The following EYA2 variants were observed in gnomAD, a reference collection of about 807,000 sequenced individuals.
The protein encoded by EYA2 is protein phosphatase EYA2.
EYA2 carries 31 observed loss-of-function variants against 69.2 expected under a neutral mutation model. The observed-to-expected ratio is 0.45, with a 90% CI of 0.34 to 0.60. EYA2 has a LOEUF of 0.60. Ranked by LOEUF, EYA2 falls within the 20% of genes least tolerant of loss-of-function variation. The probability of loss-of-function intolerance (pLI) is 0.02; values close to 1 mark genes in which losing one functional copy is unlikely to be tolerated. For missense variants in EYA2, 622 were observed against 701.2 expected, an observed-to-expected ratio of 0.89 and a Z score of 1.28; for synonymous variants, 257 against 279.4, an observed-to-expected ratio of 0.92 and a Z score of 0.80.
intron 1 of EYA2, among the ~76,000 whole-genome samples, chr20:46,928,352 T>C (rs1484128172): frequency 6.6e-6 from 1 of 152,214 alleles, no homozygotes; most frequent in Admixed American, 6.5e-5. Context: ...TCGTGAACCT[T>C]ATTTTCCTCA....
intron 5 of EYA2, among the ~76,000 whole-genome samples, chr20:47,051,583 CTG>C (rs1364642832): frequency 1.8e-4 from 28 of 152,250 alleles, no homozygotes; most frequent in Admixed American, 1.8e-3. Context: ...TCCTGCAAGT[CTG>C]TCCTCAGATG....
intron 5 of EYA2, among the ~76,000 whole-genome samples, chr20:47,018,212 T>C (rs1299235153): frequency 6.6e-6 from 1 of 152,172 alleles, no homozygotes; most frequent in Non-Finnish European, 1.5e-5. Context: ...GCCACAGAGG[T>C]TGAAATGGAG....
intron 7 of EYA2, among the ~76,000 whole-genome samples, chr20:47,074,604 T>C (rs2031442360): frequency 6.6e-6 from 1 of 152,188 alleles, no homozygotes; most frequent in Admixed American, 6.5e-5. Context: ...AGTCAGAAAA[T>C]TTTATAAATA....
chr20:46,911,585 TTTC>T (rs1984644802), intron 1 of EYA2, among the ~76,000 whole-genome samples: 2 of 152,240 alleles, frequency 1.3e-5, no homozygotes, highest in South Asian at 4.1e-4. Flanking sequence ...CTTTGGAGAA[TTTC>T]TTAACTCTTA....
chr20:47,168,505 G>A (rs1244257554), intron 10 of EYA2, among the ~76,000 whole-genome samples: 1 of 152,146 alleles, frequency 6.6e-6, no homozygotes, highest in East Asian at 1.9e-4. Flanking sequence ...CCATGGTCTT[G>A]TCCCACAGAG....
intron 10 of EYA2, among the ~76,000 whole-genome samples, chr20:47,156,007 T>A (rs1374878523): frequency 6.9e-6 from 1 of 145,062 alleles, no homozygotes; most frequent in Non-Finnish European, 1.5e-5. Context: ...CGAAATCCCG[T>A]CTCTACTTAA....
At chr20:47,102,622 G>A (rs550149373) in intron 9 of EYA2, among the ~76,000 whole-genome samples, 70 of 152,302 alleles carry the variant, frequency 4.6e-4, no homozygotes, top group Admixed American at 2.7e-3. Flanking sequence ...TTCAAAATAG[G>A]TTGTTTGAAT....
intron 9 of EYA2, among the ~76,000 whole-genome samples, chr20:47,138,587 C>CA (rs910033626): frequency 1.5e-4 from 22 of 149,990 alleles, no homozygotes; most frequent in African/African-American, 2.7e-4. Flanking sequence ...CCTGTCTCTA[C>CA]AAAAAAAAAT....
At chr20:47,175,998 A>C (rs1248964701) in intron 12 of EYA2, among the ~76,000 whole-genome samples, 1 of 152,144 alleles carries the variant, frequency 6.6e-6, no homozygotes, top group African/African-American at 2.4e-5. Flanking sequence ...AAAAGAAACA[A>C]GGTCCCTGTT....
chr20:46,896,226 A>T (rs1198203389), intron 1 of EYA2, among the ~76,000 whole-genome samples: 2 of 152,196 alleles, frequency 1.3e-5, no homozygotes, highest in East Asian at 1.9e-4. Context: ...GAGATCCCTT[A>T]CAAAGGAAAT....
At chr20:47,119,432 G>T (rs887210354) in intron 9 of EYA2, among the ~76,000 whole-genome samples, 17 of 152,196 alleles carry the variant, frequency 1.1e-4, no homozygotes, top group African/African-American at 3.9e-4. Context: ...GAGTGGAAAT[G>T]ACCATCAATG....
chr20:46,957,222 C>T (rs1449395013), intron 1 of EYA2, among the ~76,000 whole-genome samples: 1 of 152,050 alleles, frequency 6.6e-6, no homozygotes, highest in Non-Finnish European at 1.5e-5. Flanking sequence ...AGCTCTTTAC[C>T]CCTGCGGGTT....
chr20:47,094,029 C>A (rs1347490470), intron 8 of EYA2, among the ~76,000 whole-genome samples: 1 of 152,180 alleles, frequency 6.6e-6, no homozygotes, highest in Non-Finnish European at 1.5e-5. Context: ...GTCTCTGACC[C>A]ACCCATGGTT....
chr20:46,993,357 G>A (rs1981808605), intron 2 of EYA2, among the ~76,000 whole-genome samples: 1 of 152,128 alleles, frequency 6.6e-6, no homozygotes. Flanking sequence ...TTGCTCCTTG[G>A]GCCCAGCCCC....
At chr20:47,158,036 A>G (rs1219782584) in intron 10 of EYA2, among the ~76,000 whole-genome samples, 1 of 151,900 alleles carries the variant, frequency 6.6e-6, no homozygotes, top group African/African-American at 2.4e-5. Context: ...CCCAGCACCT[A>G]CCTTCATCCA....
chr20:46,914,725 G>A (rs549470722), intron 1 of EYA2, among the ~76,000 whole-genome samples: 1 of 152,186 alleles, frequency 6.6e-6, no homozygotes, highest in East Asian at 1.9e-4. Context: ...TATAATTCAA[G>A]ATGAGATTTG....
intron 1 of EYA2, among the ~76,000 whole-genome samples, chr20:46,898,424 C>CACACACA (rs59636308): frequency 4.1e-5 from 6 of 146,570 alleles, no homozygotes; most frequent in Non-Finnish European, 7.6e-5. Context: ...CACACACACA[C>CACACACA]CACAATTCTT....
At chr20:47,175,412 A>T (rs1031655252) in intron 12 of EYA2, among the ~76,000 whole-genome samples, 6 of 152,204 alleles carry the variant, frequency 3.9e-5, no homozygotes, top group Non-Finnish European at 5.9e-5. Flanking sequence ...AGCTCTGAGC[A>T]GGTTATTTGA....
chr20:47,180,842 C>A lies in EYA2; in HGVS notation c.1341C>A (p.Thr447=). Residue 447 remains threonine (T), a synonymous_variant, in exon 14 of 16, where the codon ACC becomes ACA. Coordinates refer to ENST00000327619, the MANE Select transcript of EYA2 (RefSeq NM_005244.5). ...SRPNCVNVLV[T]TTQLIPALAK... ...CCAACTGTGTCAATGTGCTGGTCAC[C>A]ACCACTCAACTAATTCCTGCCCTGG... 6.2e-7 allele frequency: 1 copy of A among 1,614,176 alleles called. No individual in the cohort carries two copies. Among genetic ancestry groups the A allele is most frequent in the Non-Finnish European group, 8.5e-7 (1 of 1,180,030 alleles).
Sources: gnomAD v4.1 joint callset for allele counts (sites outside exome capture counted in the v4.1 genomes callset) on GRCh38, gnomAD v4.1.1 for gene constraint, MANE v1.5 for transcripts, NCBI Gene and HGNC (gene_info 2026-07-23, HGNC 2026-07-21) for gene names.